LAIR1: variants seen among roughly 807,000 people sequenced by gnomAD.
LAIR1 encodes leukocyte-associated immunoglobulin-like receptor 1.
Under a neutral mutation model 32.8 loss-of-function variants are expected in LAIR1, and 24 were observed. The ratio of observed to expected loss-of-function variants is 0.73; its 90% CI spans 0.53 to 1.03. The LOEUF (loss-of-function observed/expected upper bound fraction) is 1.03. Ranked by LOEUF, LAIR1 falls within the 50% of genes least tolerant of loss-of-function variation. The pLI, the probability that LAIR1 is intolerant of heterozygous loss-of-function variation, is 0.00. For missense variants in LAIR1, 355 were observed against 347.5 expected, an observed-to-expected ratio of 1.02 and a Z score of -0.17; for synonymous variants, 150 against 140.5, an observed-to-expected ratio of 1.07 and a Z score of -0.48.
the LAIR1 span, among the ~76,000 whole-genome samples, chr19:54,375,962 C>G: frequency 6.6e-6 from 1 of 151,670 alleles, no homozygotes; most frequent in Admixed American, 6.6e-5. Context: ...CATATGGGGG[C>G]CCCCGGTTGG....
chr19:54,374,982 G>A (rs553892028), upstream of LAIR1, among the ~76,000 whole-genome samples: 16 of 152,142 alleles, frequency 1.1e-4, no homozygotes, highest in South Asian at 1.5e-3. Context: ...CACCATTACC[G>A]GAAAGACTGA....
At chr19:54,367,836 A>G (rs1167556861), upstream of LAIR1, among the ~76,000 whole-genome samples, 8 of 142,626 alleles carry the variant, frequency 5.6e-5, no homozygotes, top group East Asian at 1.5e-3. Flanking sequence ...GCAGTGGCGC[A>G]ATCTCGGCTC....
upstream of LAIR1, among the ~76,000 whole-genome samples, chr19:54,372,491 C>CTTTTTTTTTT (rs35628063): frequency 7.6e-6 from 1 of 131,548 alleles, no homozygotes; most frequent in East Asian, 2.2e-4. Context: ...TTCTTTCTTT[C>CTTTTTTTTTT]TTTTTTTTTT....
upstream of LAIR1, among the ~76,000 whole-genome samples, chr19:54,373,191 C>A (rs1168016555): frequency 6.6e-6 from 1 of 150,528 alleles, no homozygotes; most frequent in Non-Finnish European, 1.5e-5. Flanking sequence ...GCCTGTAATC[C>A]CAGCACTTTG....
chr19:54,375,273 G>A (rs1048252118), upstream of LAIR1, among the ~76,000 whole-genome samples: 32 of 152,046 alleles, frequency 2.1e-4, no homozygotes, highest in African/African-American at 6.5e-4. Context: ...TCAATCCCTC[G>A]CCTGCCGTGC....
Position 54,353,610 on chromosome 19 carries a change from T to C in LAIR1, c.*1658A>G, listed in dbSNP as rs896835405. 2 of 152,146 alleles carry C rather than the reference T, an allele frequency of 1.3e-5. No individual in the cohort carries two copies. The highest frequency in any genetic ancestry group is 2.9e-5 in the Non-Finnish European group (2 of 68,034). The allele number at this position is 152,146 out of a possible 1,614,324, so 9.4% of individuals were successfully genotyped here. On this transcript the variant is annotated 3_prime_UTR_variant, in exon 10 of 10. Transcript: ENST00000391742. ...CTGTTTTTATAAATGAGGAAAATAATAGAGCACGCTGTGGAGGGTTTGTAG... is the reference window on the plus strand; with the variant it reads ...CTGTTTTTATAAATGAGGAAAATAACAGAGCACGCTGTGGAGGGTTTGTAG...
At chr19:54,368,982 C>T (rs968734742), upstream of LAIR1, among the ~76,000 whole-genome samples, 10 of 151,304 alleles carry the variant, frequency 6.6e-5, no homozygotes, top group African/African-American at 1.5e-4. Context: ...CCACTGCACC[C>T]GGCCGACTAA....
upstream of LAIR1, among the ~76,000 whole-genome samples, chr19:54,373,595 G>T (rs1043482064): frequency 3.3e-5 from 5 of 152,080 alleles, no homozygotes; most frequent in Admixed American, 2.0e-4. Flanking sequence ...ATGGGAACAG[G>T]GTCAAATAGC....
At chr19:54,373,218 A>G (rs8111028), upstream of LAIR1, among the ~76,000 whole-genome samples, 27,793 of 150,688 alleles carry the variant, frequency 0.18, 3,304 homozygotes, top group East Asian at 0.3. Flanking sequence ...CAAGGCGGGC[A>G]GATCACGAGG....
At chr19:54,370,740 C>T (rs73604740), upstream of LAIR1, among the ~76,000 whole-genome samples, 13,608 of 151,040 alleles carry the variant, frequency 0.09, 2,238 homozygotes, top group African/African-American at 0.3. Context: ...GATTCCCAAA[C>T]GTTACTTTTT....
the LAIR1 span, among the ~76,000 whole-genome samples, chr19:54,376,073 G>A: frequency 6.6e-6 from 1 of 151,598 alleles, no homozygotes; most frequent in Non-Finnish European, 1.5e-5. Flanking sequence ...ACCAGTGAGG[G>A]GAAAGAGGAA....
In LAIR1 at chr19:54,352,400, T is replaced by A. The variant is rs1353843885; in HGVS notation, c.*2868A>T. The A allele has an allele frequency of 6.5e-6, 1 of 153,708 alleles. No homozygotes were observed. Among genetic ancestry groups the A allele is most frequent in the East Asian group, 1.9e-4 (1 of 5,192 alleles). 9.5% of individuals were successfully genotyped at this position (153,708 alleles called of 1,614,324 possible). On this transcript the variant is annotated 3_prime_UTR_variant, in exon 10 of 10. Transcript: ENST00000391742. ...GGGGGCCCGTGCAGCAGGAGGGACA[T>A]CTTCTCCGCACAGCAATGTTCCCAG...
Position 54,355,989 on chromosome 19 carries a change from C to A in LAIR1, c.682G>T (p.Gly228Ter). ...ERTADKATVNGLPEKDRETDT... is the reference protein window; with the variant it reads ...ERTADKATVN ...GTCTCTCTGTCCTTCTCAGGAAGTC[C>A]ATTGACTGTGGCCTTGTCTTGGGGA... Residue 228 changes from glycine to a stop codon, truncating the protein, a stop_gained, in exon 9 of 10, where the codon GGA becomes TGA. Transcript: ENST00000391742. LOFTEE classifies it low-confidence loss of function (END_TRUNC). This position sits in a 1 kb window ranked among gnomAD's most constrained non-coding sequence, Gnocchi z 4.7. 6.2e-7 allele frequency: 1 copy of A among 1,610,632 alleles called. No homozygotes were observed. Among genetic ancestry groups the A allele is most frequent in the South Asian group, 1.1e-5 (1 of 91,036 alleles).
rs1178317105 is a variant in LAIR1 at position 54,352,157 on chromosome 19, G to A, written c.*3111C>T. On this transcript the variant is annotated 3_prime_UTR_variant, in exon 10 of 10. Transcript: ENST00000391742. ...TGGCCTCTGCCCTGGTTACTCACAG[G>A]GACATCTGTGAATATCTGCTGCTGC... 6.5e-6 allele frequency: 1 copy of A among 153,098 alleles called. No homozygotes were observed. Among genetic ancestry groups the A allele is most frequent in the East Asian group, 1.9e-4 (1 of 5,178 alleles). The allele number at this position is 153,098 out of a possible 1,614,324, so 9.5% of individuals were successfully genotyped here. A position where few individuals can be genotyped will look rare whatever the true frequency, so the allele number is the denominator to read the frequency against.
intron 2 of LAIR1, among the ~76,000 whole-genome samples, chr19:54,362,238 T>C (rs1014557531): frequency 2.6e-5 from 4 of 152,244 alleles, no homozygotes; most frequent in Non-Finnish European, 4.4e-5. Context: ...CTAGTCATTG[T>C]GTTGCACAAT....
chr19:54,364,457 G>A lies in LAIR1; in HGVS notation c.35-127C>T, dbSNP rs1208848780. ...CATAACGACCAAGCCAACCCTCCTC[G>A]ACATCACTGTCTCCATGTAATCCTT... is the stretch of plus-strand genomic sequence containing the variant. On this transcript the variant is annotated intron_variant, in intron 1 of 9. Coordinates refer to ENST00000391742, the MANE Select transcript of LAIR1 (RefSeq NM_002287.6). The surrounding 1 kb of genome is among the most constrained non-coding windows in gnomAD (Gnocchi z 4.8). 3.4e-6 allele frequency: 3 copies of A among 877,762 alleles called. No homozygotes were observed. Among genetic ancestry groups the A allele is most frequent in the Admixed American group, 2.0e-5 (1 of 50,574 alleles). The allele number at this position is 877,762 out of a possible 1,614,324, so 54.4% of individuals were successfully genotyped here.
chr19:54,373,703 T>C (rs1259361772), upstream of LAIR1, among the ~76,000 whole-genome samples: 1 of 151,972 alleles, frequency 6.6e-6, no homozygotes, highest in Non-Finnish European at 1.5e-5. Context: ...GAGACAGAGG[T>C]TGCAGTGAGC....
upstream of LAIR1, among the ~76,000 whole-genome samples, chr19:54,373,503 T>C (rs983343197): frequency 4.6e-5 from 7 of 152,220 alleles, no homozygotes; most frequent in Non-Finnish European, 8.8e-5. Context: ...CAATTACCTC[T>C]TATACGCTTG....
At chr19:54,370,288 G>A (rs762260710) in exon 1 of LAIR1, 6 of 1,543,860 alleles carry the variant, frequency 3.9e-6, no homozygotes, top group African/African-American at 2.8e-5. Context: ...CTTCTGTCGC[G>A]GATGCAACCC....
Sources: gnomAD v4.1 joint callset for allele counts (sites outside exome capture counted in the v4.1 genomes callset) on GRCh38, gnomAD v4.1.1 for gene constraint, Gnocchi (gnomAD v3.1) non-coding constraint, MANE v1.5 for transcripts, NCBI Gene and HGNC (gene_info 2026-07-23, HGNC 2026-07-21) for gene names.